The following CDH23 variants were observed in gnomAD, a reference collection of about 807,000 sequenced individuals.
The protein encoded by CDH23 is cadherin-23.
Under a neutral mutation model 317.1 loss-of-function variants are expected in CDH23, and 189 were observed. The ratio of observed to expected loss-of-function variants is 0.60; its 90% confidence interval spans 0.53 to 0.67. The LOEUF (loss-of-function observed/expected upper bound fraction) is 0.67. Among genes scored for constraint, CDH23 ranks in the 30% least tolerant of loss-of-function variants. The pLI is 0.00. For synonymous variants in CDH23, 1,839 were observed against 1,876.8 expected (o/e 0.98, Z 0.52); for missense variants, 4,401 against 4,592.4 (o/e 0.96, Z 1.20).
At chr10:71,484,047 C>T (rs61232318) in intron 3 of CDH23, among the ~76,000 whole-genome samples, 3,538 of 152,308 alleles carry the variant, frequency 0.023, 134 homozygotes, top group African/African-American at 0.077. Context: ...TTCCACACCT[C>T]CCACGGCCAC....
intron 18 of CDH23, among the ~76,000 whole-genome samples, chr10:71,686,538 A>G (rs558641363): frequency 9.9e-5 from 15 of 152,202 alleles, no homozygotes; most frequent in Non-Finnish European, 2.2e-4. Context: ...CCCATCTTTC[A>G]TGGCTGCTCT....
chr10:71,732,018 G>T lies in CDH23; in HGVS notation c.3747G>T (p.Leu1249=), dbSNP rs1179225882. ...GTGGCCTGGTGAACTACCGCATCCT[G>T]TCGGGCGCAGAGGGGAAGTTTGAGA... The part of the protein sequence containing the change: ...GDGGLVNYRI[L]SGAEGKFEID... The change falls in exon 32 of 70, where the codon CTG becomes CTT. Residue 1249 remains leucine, a synonymous_variant. Coordinates refer to ENST00000224721, the MANE Select transcript of CDH23 (RefSeq NM_022124.6). 3 of 1,613,854 alleles carry T rather than the reference G, an allele frequency of 1.9e-6. No homozygotes were observed. Among genetic ancestry groups the T allele is most frequent in the Non-Finnish European group, 2.5e-6 (3 of 1,179,876 alleles).
chr10:71,788,197 G>A (rs751675159), intron 44 of CDH23, among the ~76,000 whole-genome samples: 2 of 152,064 alleles, frequency 1.3e-5, no homozygotes, highest in Non-Finnish European at 1.5e-5. Flanking sequence ...ACAGGTGTAA[G>A]CCATCATGCC....
At chr10:71,787,273 G>C (rs960046792) in intron 44 of CDH23, among the ~76,000 whole-genome samples, 1 of 151,848 alleles carries the variant, frequency 6.6e-6, no homozygotes, top group Non-Finnish European at 1.5e-5. Context: ...ACCCAGAATA[G>C]GGTCTTCAAC....
Position 71,815,571 on chromosome 10 carries a change from G to T in CDH23, c.*293G>T. On this transcript the variant is annotated 3_prime_UTR_variant, in exon 70 of 70. Coordinates refer to ENST00000224721, the MANE Select transcript of CDH23 (RefSeq NM_022124.6). ...GGGTCACTGGGGCCCAAGAGTCTGGGGACCAGCTTGGCTCAGGCTGAGCTG... is the reference window on the plus strand; with the variant it reads ...GGGTCACTGGGGCCCAAGAGTCTGGTGACCAGCTTGGCTCAGGCTGAGCTG... 1 of 285,680 alleles carries T rather than the reference G, an allele frequency of 3.5e-6. No homozygotes were observed. 17.7% of individuals were successfully genotyped at this position (285,680 alleles called of 1,614,324 possible).
intron 28 of CDH23, among the ~76,000 whole-genome samples, chr10:71,719,377 C>T (rs1298467826): frequency 1.3e-5 from 2 of 152,220 alleles, no homozygotes; most frequent in African/African-American, 4.8e-5. Flanking sequence ...GGACATATCT[C>T]TGCAAGCTCA....
At chr10:71,411,937 TA>T (rs1269789050) in intron 1 of CDH23, among the ~76,000 whole-genome samples, 31 of 152,232 alleles carry the variant, frequency 2.0e-4, no homozygotes, top group African/African-American at 7.0e-4. Context: ...GAAATGGAAA[TA>T]CTGTACCCAT....
intron 3 of CDH23, among the ~76,000 whole-genome samples, chr10:71,464,372 A>G (rs767794660): frequency 2.6e-5 from 4 of 152,226 alleles, no homozygotes; most frequent in Non-Finnish European, 4.4e-5. Context: ...GCCCATGATC[A>G]TAGAACTAGT....
intron 45 of CDH23, 32 bp from the exon 46 acceptor site, chr10:71,790,256 G>T: frequency 6.2e-7 from 1 of 1,612,340 alleles, no homozygotes; most frequent in Non-Finnish European, 8.5e-7. Context: ...GGCTGGGTTG[G>T]TCTTGTGGTG....
chr10:71,789,586 C>T (rs1841188824), intron 45 of CDH23, among the ~76,000 whole-genome samples: 1 of 152,204 alleles, frequency 6.6e-6, no homozygotes, highest in South Asian at 2.1e-4. Flanking sequence ...TCCCCAGCCC[C>T]TGTTCCTCAT....
chr10:71,448,366 C>T (rs1475880045), intron 3 of CDH23, among the ~76,000 whole-genome samples: 3 of 152,226 alleles, frequency 2.0e-5, no homozygotes, highest in Admixed American at 2.0e-4. Context: ...TCCCAGGCCT[C>T]GAGCCCTGTT....
At chr10:71,451,153 A>G (rs555133103) in intron 3 of CDH23, among the ~76,000 whole-genome samples, 1 of 152,000 alleles carries the variant, frequency 6.6e-6, no homozygotes, top group South Asian at 2.1e-4. Context: ...TCAGTCTCCA[A>G]AATCATCCCA....
rs77702483 is a variant in CDH23 at position 71,805,170 on chromosome 10, G to T, written c.7873-636G>T. 7.2e-3 allele frequency among the ~76,000 whole-genome samples: 1,103 copies of T among 152,308 alleles called. 15 individuals are homozygous for T. Among genetic ancestry groups the T allele is most frequent in the African/African-American group, 0.026 (1,063 of 41,580 alleles). ...GCAGCCTTGTCATGGGTCAATGTAT[G>T]ATTTCAATGAGGTTTCGAGATCTTG... On this transcript the variant is annotated intron_variant, in intron 55 of 69. Transcript: ENST00000224721.
intron 18 of CDH23, among the ~76,000 whole-genome samples, chr10:71,686,635 A>G (rs1221759587): frequency 1.3e-5 from 2 of 152,144 alleles, no homozygotes; most frequent in East Asian, 3.9e-4. Flanking sequence ...AGGCCTTCTC[A>G]TGGAACTCCT....
intron 22 of CDH23, among the ~76,000 whole-genome samples, chr10:71,700,856 T>G (rs1865556433): frequency 6.6e-6 from 1 of 152,126 alleles, no homozygotes. Context: ...TCTGTTCTGG[T>G]CTGGTGGCCC....
At chr10:71,423,022 T>C (rs1453284273) in intron 1 of CDH23, among the ~76,000 whole-genome samples, 1 of 152,216 alleles carries the variant, frequency 6.6e-6, no homozygotes, top group Non-Finnish European at 1.5e-5. Context: ...TATGTTTTTA[T>C]ATTTATATTA....
chr10:71,548,667 C>T (rs886652872), intron 6 of CDH23, among the ~76,000 whole-genome samples: 4 of 152,240 alleles, frequency 2.6e-5, no homozygotes, highest in African/African-American at 9.6e-5. Context: ...GGAAGTAGTA[C>T]AGTCCTCAGG....
At chr10:71,589,403 C>T (rs1333788761) in intron 9 of CDH23, among the ~76,000 whole-genome samples, 2 of 152,216 alleles carry the variant, frequency 1.3e-5, no homozygotes, top group Non-Finnish European at 2.9e-5. Flanking sequence ...CAGGCGTGAG[C>T]CACCGTGCCC....
chr10:71,732,320 T>G lies in CDH23; in HGVS notation c.4049T>G (p.Phe1350Cys), dbSNP rs780799103. 2.5e-6 allele frequency: 4 copies of G among 1,602,750 alleles called. No individual in the cohort carries two copies. Among genetic ancestry groups the G allele is most frequent in the Non-Finnish European group, 3.4e-6 (4 of 1,174,370 alleles). Residue 1350 changes from phenylalanine to cysteine, a missense_variant, in exon 32 of 70, where the codon TTC becomes TGC. Coordinates refer to ENST00000224721, the MANE Select transcript of CDH23 (RefSeq NM_022124.6). ...IDNLNQITYR[F>C]NAYTSTQAKA... ...AACCTCAACCAAATCACGTACCGCT[T>G]CAACGCCTACACCAGCACCCAGGCC...
Sources: gnomAD v4.1 joint callset for allele counts (sites outside exome capture counted in the v4.1 genomes callset) on GRCh38, gnomAD v4.1.1 for gene constraint, MANE v1.5 for transcripts, NCBI Gene and HGNC (gene_info 2026-07-23, HGNC 2026-07-21) for gene names.